The following SV2C variants were observed in gnomAD, a reference collection of about 807,000 sequenced individuals.
The protein encoded by SV2C is solute carrier family 22 member B3.
Under a neutral mutation model 79.7 loss-of-function variants are expected in SV2C, and 49 were observed. The observed-to-expected ratio is 0.61, with a 90% CI of 0.49 to 0.78. SV2C has a LOEUF of 0.78. Among genes scored for constraint, SV2C ranks in the 30% least tolerant of loss-of-function variants. The pLI, the probability that SV2C is intolerant of heterozygous loss-of-function variation, is 0.00. For missense variants in SV2C, 833 were observed against 912.9 expected, an observed-to-expected ratio of 0.91 and a Z score of 1.13; for synonymous variants, 334 against 333.2, an observed-to-expected ratio of 1.00 and a Z score of -0.03.
the SV2C span, among the ~76,000 whole-genome samples, chr5:75,979,878 A>G: frequency 6.6e-6 from 1 of 152,210 alleles, no homozygotes; most frequent in African/African-American, 2.4e-5. Flanking sequence ...AACCAAAATC[A>G]GAGCTGAACT....
At chr5:75,984,606 T>TCTATCTACCTAC in the SV2C span, among the ~76,000 whole-genome samples, 1 of 141,804 alleles carries the variant, frequency 7.1e-6, no homozygotes, top group African/African-American at 2.6e-5. Context: ...TACCTATCTA[T>TCTATCTACCTAC]CTATCTATCT....
At chr5:76,218,640 C>A (rs886973349) in intron 4 of SV2C, among the ~76,000 whole-genome samples, 3 of 152,116 alleles carry the variant, frequency 2.0e-5, no homozygotes, top group Non-Finnish European at 4.4e-5. Context: ...GCATTAGGAC[C>A]TAATGCATGT....
chr5:76,236,516 C>T (rs1197373329), intron 4 of SV2C, among the ~76,000 whole-genome samples: 1 of 151,766 alleles, frequency 6.6e-6, no homozygotes, highest in Admixed American at 6.6e-5. Context: ...GATCCAAGAT[C>T]GCATCACTGC....
At chr5:76,094,219 A>G (rs765651392) in intron 1 of SV2C, among the ~76,000 whole-genome samples, 4 of 152,216 alleles carry the variant, frequency 2.6e-5, no homozygotes, top group Non-Finnish European at 5.9e-5. Context: ...CACAGAAAAC[A>G]TAGATTATAA....
chr5:76,291,258 T>A lies in SV2C; in HGVS notation c.1175T>A (p.Leu392Gln). 3 of 1,613,234 alleles carry A rather than the reference T, an allele frequency of 1.9e-6. No individual in the cohort carries two copies. The South Asian group carries it at 3.3e-5, about 18-fold the overall frequency. The change falls in exon 7 of 13, where the codon CTG (leucine) becomes CAG (glutamine). Residue 392 changes from leucine (L) to glutamine (Q), a missense_variant. Leu to Gln is a moderately radical substitution (Grantham distance 113, BLOSUM62 -2). Coordinates refer to ENST00000502798, the MANE Select transcript of SV2C (RefSeq NM_014979.4). ...AAAACTCCTAAACAAATAGATGAGC[T>A]GATTGAAATTGAGAGTGACACAGGA... ...KIKTPKQIDE[L>Q]IEIESDTGTW... is the part of the protein sequence containing the mutation.
the SV2C span, among the ~76,000 whole-genome samples, chr5:75,928,297 G>A: frequency 6.6e-6 from 1 of 152,170 alleles, no homozygotes; most frequent in Non-Finnish European, 1.5e-5. Context: ...AAATGACCAT[G>A]AAGCAGGTTT....
At chr5:76,088,809 T>A (rs1233518182) in intron 1 of SV2C, among the ~76,000 whole-genome samples, 5 of 151,944 alleles carry the variant, frequency 3.3e-5, no homozygotes, top group Admixed American at 1.3e-4. Flanking sequence ...TAAAAAAAAA[T>A]GGGAATTTTT....
chr5:76,005,062 A>G, the SV2C span, among the ~76,000 whole-genome samples: 3 of 151,940 alleles, frequency 2.0e-5, no homozygotes, highest in African/African-American at 4.8e-5. Context: ...TGTTTTCTAA[A>G]CCTTTCTTGA....
At chr5:76,094,201 T>A (rs1448075584) in intron 1 of SV2C, among the ~76,000 whole-genome samples, 1 of 152,166 alleles carries the variant, frequency 6.6e-6, no homozygotes, top group African/African-American at 2.4e-5. Context: ...GATGGTATAA[T>A]TTTTTTCCAC....
intron 2 of SV2C, among the ~76,000 whole-genome samples, chr5:76,136,593 C>T (rs1749078400): frequency 6.6e-6 from 1 of 151,976 alleles, no homozygotes; most frequent in African/African-American, 2.4e-5. Context: ...GAGGGAACTA[C>T]CAGGCTTACC....
At chr5:75,988,686 T>A in the SV2C span, among the ~76,000 whole-genome samples, 2 of 152,056 alleles carry the variant, frequency 1.3e-5, no homozygotes, top group South Asian at 4.1e-4. Context: ...TGGTCTCTCT[T>A]TTGAGGAAAC....
chr5:76,325,826 A>G lies in SV2C; in HGVS notation c.*279A>G. 1 of 331,196 alleles carries G rather than the reference A, an allele frequency of 3.0e-6. No homozygotes were observed. Among genetic ancestry groups the G allele is most frequent in the African/African-American group, 2.1e-5 (1 of 46,950 alleles). The allele number at this position is 331,196 out of a possible 1,614,324, so 20.5% of individuals were successfully genotyped here. The stretch of plus-strand genomic sequence containing the variant: ...AGTGGAAGCATTTCTAAAATGCCCT[A>G]GGCAGCCAGGCTTCCCTGGGGTTCT... On this transcript the variant is annotated 3_prime_UTR_variant, in exon 13 of 13. Transcript: ENST00000502798.
intron 1 of SV2C, among the ~76,000 whole-genome samples, chr5:76,124,362 G>C (rs1748632200): frequency 6.6e-6 from 1 of 152,102 alleles, no homozygotes; most frequent in African/African-American, 2.4e-5. Context: ...GAATCATATA[G>C]TATTTGTCTT....
intron 3 of SV2C, 97 bp downstream of exon 3, chr5:76,195,196 AT>A (rs1259870383): frequency 1.4e-4 from 168 of 1,217,100 alleles, no homozygotes; most frequent in Admixed American, 8.5e-4. Flanking sequence ...CCCTTCACAC[AT>A]CTCCTTCCAT....
the SV2C span, among the ~76,000 whole-genome samples, chr5:75,936,904 C>T: frequency 6.6e-6 from 1 of 152,144 alleles, no homozygotes; most frequent in African/African-American, 2.4e-5. Context: ...ACAAGCAGTC[C>T]TTGCTTTGCA....
intron 2 of SV2C, among the ~76,000 whole-genome samples, chr5:76,187,539 T>C (rs573585768): frequency 7.9e-5 from 12 of 152,278 alleles, no homozygotes; most frequent in African/African-American, 2.6e-4. Context: ...GTGGTAAATA[T>C]TCTCTCATGC....
upstream of SV2C, among the ~76,000 whole-genome samples, chr5:76,082,828 G>A (rs1433299959): frequency 6.6e-6 from 1 of 152,162 alleles, no homozygotes; most frequent in Admixed American, 6.5e-5. Context: ...GGGGGCTGGG[G>A]GAAGTAGGCA....
At chr5:76,304,973 A>T (rs568399248) in intron 12 of SV2C, among the ~76,000 whole-genome samples, 3 of 152,198 alleles carry the variant, frequency 2.0e-5, no homozygotes, top group African/African-American at 7.2e-5. Flanking sequence ...GCATAGTGGC[A>T]TCTGCTTCTG....
chr5:76,293,107 GCTTGTGA>G (rs1747617077), intron 8 of SV2C, among the ~76,000 whole-genome samples: 1 of 152,166 alleles, frequency 6.6e-6, no homozygotes, highest in Non-Finnish European at 1.5e-5. Flanking sequence ...GACTTGGTTA[GCTTGTGA>G]CTTGGAGACA....
Sources: gnomAD v4.1 joint callset for allele counts (sites outside exome capture counted in the v4.1 genomes callset) on GRCh38, gnomAD v4.1.1 for gene constraint, MANE v1.5 for transcripts, NCBI Gene and HGNC (gene_info 2026-07-23, HGNC 2026-07-21) for gene names.